The following EHBP1 variants were observed in gnomAD, a reference collection of about 807,000 sequenced individuals.
The protein encoded by EHBP1 is EH domain binding protein 1, also known as EH domain-binding protein 1.
Under a neutral mutation model 144.0 loss-of-function variants are expected in EHBP1, and 55 were observed. The ratio of observed to expected loss-of-function variants is 0.38; its 90% CI spans 0.31 to 0.48. The LOEUF (loss-of-function observed/expected upper bound fraction) is 0.48, where lower values mean the gene tolerates loss of function less well. EHBP1 is among the 20% of genes least tolerant of loss of function. EHBP1 has a pLI of 0.98. For synonymous variants in EHBP1, 469 were observed against 472.7 expected, an observed-to-expected ratio of 0.99 and a Z score of 0.10; for missense variants, 1,200 against 1,364.2, an observed-to-expected ratio of 0.88 and a Z score of 1.90.
chr2:62,989,697 T>G (rs2059338642), intron 15 of EHBP1, among the ~76,000 whole-genome samples: 3 of 152,166 alleles, frequency 2.0e-5, no homozygotes, highest in South Asian at 4.1e-4. Flanking sequence ...GATTTATGGT[T>G]TATTTTGTGG....
chr2:62,724,845 A>T (rs189197249), intron 2 of EHBP1, among the ~76,000 whole-genome samples: 136 of 152,324 alleles, frequency 8.9e-4, no homozygotes, highest in Middle Eastern at 3.4e-3. Flanking sequence ...TCACAGGAGC[A>T]CAAATGCTAT....
At chr2:63,027,933 T>G (rs1381785839) in intron 19 of EHBP1, among the ~76,000 whole-genome samples, 1 of 152,070 alleles carries the variant, frequency 6.6e-6, no homozygotes, top group East Asian at 1.9e-4. Flanking sequence ...GTTTGTTTGT[T>G]TGTTTGTTTT....
intron 15 of EHBP1, 43 bp from the exon 16 acceptor site, chr2:62,990,673 A>G: frequency 6.2e-7 from 1 of 1,602,368 alleles, no homozygotes; most frequent in Non-Finnish European, 8.5e-7. Flanking sequence ...ACATATCTAA[A>G]TGCATCTCAC....
chr2:62,692,435 A>G (rs758370416), intron 1 of EHBP1, among the ~76,000 whole-genome samples: 1 of 152,152 alleles, frequency 6.6e-6, no homozygotes, highest in African/African-American at 2.4e-5. Context: ...TACATTTACC[A>G]TTTTGAGGAA....
intron 16 of EHBP1, among the ~76,000 whole-genome samples, chr2:62,991,416 G>T (rs1263035718): frequency 6.6e-6 from 1 of 152,046 alleles, no homozygotes. Flanking sequence ...AGTTCTATAT[G>T]TATGTATATT....
At chr2:63,038,599 GTTT>G (rs2061537790) in intron 20 of EHBP1, 141 bp from the exon 21 acceptor site, 3 of 640,796 alleles carry the variant, frequency 4.7e-6, no homozygotes, top group Admixed American at 5.5e-5. Context: ...AAGGTTTTAG[GTTT>G]GTGTATCATT....
chr2:62,732,330 C>T (rs986614803), intron 2 of EHBP1, among the ~76,000 whole-genome samples: 1 of 152,048 alleles, frequency 6.6e-6, no homozygotes, highest in African/African-American at 2.4e-5. Flanking sequence ...TTCTTCTATG[C>T]CTTTCTCTTT....
At position 62,955,421 on chromosome 2, in the gene EHBP1, C is replaced by G. The variant is rs2057636022; in HGVS notation, c.2317-96C>G. The G allele has an allele frequency of 6.8e-6, 8 of 1,171,046 alleles. No individual in the cohort carries two copies. The South Asian group carries it at 1.0e-4, about 15-fold the overall frequency. 72.5% of individuals were successfully genotyped at this position (1,171,046 alleles called of 1,614,324 possible). ...GAAGCTACAATCTTATTCATAATCT[C>G]TATTATTTCAGCAGATTGTCTAACC... On this transcript the variant is annotated intron_variant, in intron 13 of 22. Transcript: ENST00000431489.
intron 7 of EHBP1, among the ~76,000 whole-genome samples, chr2:62,832,364 ACTT>A (rs1163098588): frequency 6.6e-6 from 1 of 150,396 alleles, no homozygotes; most frequent in Non-Finnish European, 1.5e-5. Context: ...ATTAGACTCA[ACTT>A]CTCATTACAG....
chr2:62,806,723 A>T (rs1190191980), intron 5 of EHBP1, among the ~76,000 whole-genome samples: 1 of 147,954 alleles, frequency 6.8e-6, no homozygotes. Flanking sequence ...TTAATTGTTA[A>T]TTTTTTTTTT....
rs752431733 is a variant in EHBP1 at position 63,045,099 on chromosome 2, A to G, written c.3311A>G (p.Glu1104Gly). ...WQKTEAQKRREQLLLDELVAL... is the reference protein window; with the variant it reads ...WQKTEAQKRRGQLLLDELVAL... ...AAGACCGAGGCCCAGAAGCGACGCG[A>G]ACAGCTTCTGCTAGATGAGCTGGTG... The change falls in exon 22 of 23, where the codon GAA (glutamate) becomes GGA (glycine). Residue 1104 changes from glutamate (E) to glycine (G), a missense_variant. Physicochemically the swap from Glu to Gly is moderately conservative, Grantham distance 98. Around this residue, in one of 6 missense-constraint regions of EHBP1, gnomAD observed 149 missense variants for 217.0 expected, o/e 0.69. Transcript: ENST00000431489. This position sits in a 1 kb window ranked among gnomAD's most constrained non-coding sequence, Gnocchi z 5.7. 1 of 1,584,268 alleles carries G rather than the reference A, an allele frequency of 6.3e-7. No homozygotes were observed. The highest frequency in any genetic ancestry group is 1.2e-5 in the South Asian group (1 of 86,700).
rs578220129 is a variant in EHBP1 at position 62,815,179 on chromosome 2, C to T, written c.313-10908C>T. On this transcript the variant is annotated intron_variant, in intron 5 of 22. Coordinates refer to ENST00000431489, the MANE Select transcript of EHBP1 (RefSeq NM_001142616.3). ...AAAAAGTCTAGCATCTCCCATTTCTCCAAGGTGGAAGGTCTAATAAGACCC... is the reference window on the plus strand; with the variant it reads ...AAAAAGTCTAGCATCTCCCATTTCTTCAAGGTGGAAGGTCTAATAAGACCC... Among the ~76,000 whole-genome samples, 5 of 152,286 alleles carry T rather than the reference C, an allele frequency of 3.3e-5. No individual in the cohort carries two copies. The South Asian group carries it at 1.0e-3, about 32-fold the overall frequency.
chr2:62,691,466 A>G (rs1459099839), intron 1 of EHBP1, among the ~76,000 whole-genome samples: 1 of 152,238 alleles, frequency 6.6e-6, no homozygotes, highest in South Asian at 2.1e-4. Flanking sequence ...GCACATAGCC[A>G]TATCTGGTTG....
chr2:62,921,436 C>A (rs1455997919), intron 10 of EHBP1, among the ~76,000 whole-genome samples: 5 of 150,584 alleles, frequency 3.3e-5, no homozygotes, highest in African/African-American at 1.2e-4. Flanking sequence ...CAGAGCCAGA[C>A]CTTGTCTCAA....
At chr2:62,810,964 G>T (rs963703302) in intron 5 of EHBP1, among the ~76,000 whole-genome samples, 1 of 152,014 alleles carries the variant, frequency 6.6e-6, no homozygotes, top group Non-Finnish European at 1.5e-5. Context: ...TTTCAATTTG[G>T]ACATTCTACA....
chr2:63,038,676 A>G (rs1574581494), intron 20 of EHBP1, 67 bp from the exon 21 acceptor site: 1 of 1,436,286 alleles, frequency 7.0e-7, no homozygotes, highest in African/African-American at 1.4e-5. Flanking sequence ...AATGTAACCT[A>G]AAGGTTCTTT....
chr2:62,829,302 C>G (rs544253383), intron 6 of EHBP1, among the ~76,000 whole-genome samples: 1 of 151,704 alleles, frequency 6.6e-6, no homozygotes, highest in African/African-American at 2.4e-5. Context: ...ATTGGTGCAC[C>G]CATCTCTTGA....
At chr2:62,745,235 C>T (rs1041658226) in intron 2 of EHBP1, among the ~76,000 whole-genome samples, 3 of 151,898 alleles carry the variant, frequency 2.0e-5, no homozygotes, top group African/African-American at 7.3e-5. Flanking sequence ...ATAAATAAGA[C>T]GTGGTTGATA....
chr2:62,848,977 T>C (rs1486464498), intron 7 of EHBP1, among the ~76,000 whole-genome samples: 1 of 152,220 alleles, frequency 6.6e-6, no homozygotes, highest in East Asian at 1.9e-4. Flanking sequence ...ATGAATGATT[T>C]CTAACTTTCT....
Sources: gnomAD v4.1 joint callset for allele counts (sites outside exome capture counted in the v4.1 genomes callset) on GRCh38, gnomAD v4.1.1 for gene constraint, gnomAD v4.1.1 regional missense constraint, Gnocchi (gnomAD v3.1) non-coding constraint, MANE v1.5 for transcripts, NCBI Gene and HGNC (gene_info 2026-07-23, HGNC 2026-07-21) for gene names.